RASGRF1: variants seen among roughly 807,000 people sequenced by gnomAD.
RASGRF1 encodes the protein ras-specific guanine nucleotide-releasing factor 1.
Under a neutral mutation model 138.7 loss-of-function variants are expected in RASGRF1, and 40 were observed. The observed-to-expected ratio is 0.29, with a 90% CI of 0.22 to 0.38. The LOEUF is 0.38. RASGRF1 is among the 10% of genes least tolerant of loss of function. The probability of loss-of-function intolerance (pLI) is 1.00; values close to 1 mark genes in which losing one functional copy is unlikely to be tolerated. For synonymous variants in RASGRF1, 614 were observed against 663.2 expected (o/e 0.93, Z 1.14); for missense variants, 1,108 against 1,650.4 (o/e 0.67, Z 5.69).
intron 5 of RASGRF1, among the ~76,000 whole-genome samples, chr15:79,035,652 G>C (rs868676404): frequency 1.3e-5 from 2 of 152,220 alleles, no homozygotes; most frequent in Admixed American, 6.5e-5. Flanking sequence ...AAGAGCTAGA[G>C]TTTGGGATTA....
intron 8 of RASGRF1, among the ~76,000 whole-genome samples, chr15:79,029,902 T>G: frequency 6.6e-6 from 1 of 152,208 alleles, no homozygotes; most frequent in East Asian, 1.9e-4. Flanking sequence ...ATGTGCCACC[T>G]GCAGCTCTGT....
At chr15:79,038,539 T>G (rs1210552644) in intron 5 of RASGRF1, among the ~76,000 whole-genome samples, 1 of 152,176 alleles carries the variant, frequency 6.6e-6, no homozygotes, top group Admixed American at 6.5e-5. Context: ...GGTTGAACAT[T>G]TTTCTTATAT....
chr15:79,083,390 C>T (rs2141105951), intron 1 of RASGRF1, among the ~76,000 whole-genome samples: 1 of 152,334 alleles, frequency 6.6e-6, no homozygotes, highest in East Asian at 1.9e-4. Context: ...GAGTTCTGTT[C>T]TTGGCTGCAC....
At chr15:78,989,556 A>G (rs541085072) in intron 22 of RASGRF1, among the ~76,000 whole-genome samples, 1 of 152,304 alleles carries the variant, frequency 6.6e-6, no homozygotes, top group South Asian at 2.1e-4. Flanking sequence ...GCCTCCTAAC[A>G]TTAAAGAGAA....
In RASGRF1 at chr15:79,031,489, G is replaced by A. The variant is rs755548498; in HGVS notation, c.1173C>T (p.Thr391=). 6.2e-7 allele frequency: 1 copy of A among 1,613,116 alleles called. No individual in the cohort carries two copies. Among genetic ancestry groups the A allele is most frequent in the East Asian group, 2.2e-5 (1 of 44,854 alleles). The change falls in exon 8 of 27, where the codon ACC becomes ACT. Residue 391 remains threonine (T), a synonymous_variant. Coordinates refer to ENST00000558480, the MANE Select transcript of RASGRF1 (RefSeq NM_001145648.3). The part of the protein sequence containing the change: ...PMFQIPRYIL[T]LHELLAHTPH... ...GCGTGTGGGCCAGGAGCTCATGGAG[G>A]GTCAGGATGTACCTGGGGATCTGCG...
intron 1 of RASGRF1, among the ~76,000 whole-genome samples, chr15:79,084,321 G>C (rs375790838): frequency 2.6e-3 from 387 of 151,578 alleles, no homozygotes; most frequent in Non-Finnish European, 4.4e-3. Flanking sequence ...GTGTAGACGA[G>C]CCGCCAAATT....
chr15:78,979,368 C>T lies in RASGRF1; in HGVS notation c.3494+1252G>A, dbSNP rs982571392. On this transcript the variant is annotated intron_variant, in intron 24 of 26. Transcript: ENST00000558480. ...CACTGTCAAGGGCTGGAGGTTTTGG[C>T]TGGCCCCATCCTCAGGGTCTGGGGG... The T allele has an allele frequency of 4.3e-4, 141 of 329,484 alleles. 1 individual carries two copies. The highest frequency in any genetic ancestry group is 8.8e-5 in the Admixed American group (2 of 22,734). 20.4% of individuals were successfully genotyped at this position (329,484 alleles called of 1,614,324 possible).
chr15:78,985,236 G>C (rs1190755168), intron 22 of RASGRF1, 32 bp from the exon 23 acceptor site: 2 of 1,527,522 alleles, frequency 1.3e-6, no homozygotes, highest in Admixed American at 1.7e-5. Flanking sequence ...CAGGGAAAAA[G>C]AGGAGTAAGT....
intron 13 of RASGRF1, among the ~76,000 whole-genome samples, chr15:79,007,692 CA>C (rs1412035156): frequency 6.6e-6 from 1 of 151,620 alleles, no homozygotes; most frequent in African/African-American, 2.4e-5. Context: ...GCTGGGATTA[CA>C]GGTACATGCC....
intron 1 of RASGRF1, among the ~76,000 whole-genome samples, chr15:79,078,910 A>G (rs2057876231): frequency 6.6e-6 from 1 of 152,258 alleles, no homozygotes. Flanking sequence ...CCTGGGTGCC[A>G]TGCTATGTGC....
chr15:78,985,225 A>G, intron 22 of RASGRF1, 21 bp from the exon 23 acceptor site: 1 of 1,553,836 alleles, frequency 6.4e-7, no homozygotes, highest in South Asian at 1.1e-5. Context: ...ATGCAATAAG[A>G]CAGGGAAAAA....
chr15:78,996,712 C>T (rs4778767), intron 19 of RASGRF1, among the ~76,000 whole-genome samples: 18,692 of 123,532 alleles, frequency 0.15, 1,271 homozygotes, highest in Admixed American at 0.2. Flanking sequence ...GGGAGGACCA[C>T]GAGTGGCGGC....
chr15:79,078,232 C>A (rs1182726200), intron 1 of RASGRF1, among the ~76,000 whole-genome samples: 1 of 151,792 alleles, frequency 6.6e-6, no homozygotes, highest in Non-Finnish European at 1.5e-5. Flanking sequence ...TGGGGACACC[C>A]ATATAGGCCC....
intron 1 of RASGRF1, among the ~76,000 whole-genome samples, chr15:79,065,951 A>G (rs2057674858): frequency 6.6e-6 from 1 of 150,802 alleles, no homozygotes; most frequent in Admixed American, 6.6e-5. Flanking sequence ...AGAGAGAGAG[A>G]GGAGAGAGAG....
In RASGRF1 at chr15:78,998,070, A is replaced by G; in HGVS notation, c.2966+26T>C. On this transcript the variant is annotated intron_variant, in intron 19 of 26. Coordinates refer to ENST00000558480, the MANE Select transcript of RASGRF1 (RefSeq NM_001145648.3). ...GCTCCTGTCCCAGCAGGCAGTTCTGAGCCAGGAACCAGGTACTGCCTTTAC... is the reference window on the plus strand; with the variant it reads ...GCTCCTGTCCCAGCAGGCAGTTCTGGGCCAGGAACCAGGTACTGCCTTTAC... 3.8e-6 allele frequency: 6 copies of G among 1,583,108 alleles called. No individual in the cohort carries two copies. The African/African-American group carries it at 5.4e-5, about 14-fold the overall frequency.
chr15:79,004,460 A>G (rs534120263), intron 14 of RASGRF1, among the ~76,000 whole-genome samples: 2 of 151,978 alleles, frequency 1.3e-5, no homozygotes, highest in East Asian at 3.9e-4. Flanking sequence ...CTGAAGTGCT[A>G]AGGGTCCCCT....
chr15:78,999,599 G>A, intron 17 of RASGRF1, 144 bp downstream of exon 17: 1 of 923,216 alleles, frequency 1.1e-6, no homozygotes, highest in South Asian at 1.8e-5. Flanking sequence ...CCGAGGGTGG[G>A]TGCTTTAACA....
chr15:78,995,261 C>T (rs1280919911), intron 20 of RASGRF1, among the ~76,000 whole-genome samples: 1 of 149,796 alleles, frequency 6.7e-6, no homozygotes, highest in African/African-American at 2.5e-5. Flanking sequence ...GACTCCAGAA[C>T]TATGAGAGAA....
At chr15:79,015,238 A>G in intron 13 of RASGRF1, 89 bp downstream of exon 13, 1 of 1,299,228 alleles carries the variant, frequency 7.7e-7, no homozygotes, top group Non-Finnish European at 1.1e-6. Flanking sequence ...GAACCCCAGT[A>G]GCTGGCTCAT....
Sources: gnomAD v4.1 joint callset for allele counts (sites outside exome capture counted in the v4.1 genomes callset) on GRCh38, gnomAD v4.1.1 for gene constraint, MANE v1.5 for transcripts, NCBI Gene and HGNC (gene_info 2026-07-23, HGNC 2026-07-21) for gene names.